Variants in SPIRE1 observed in about 807,000 individuals in gnomAD.
The protein encoded by SPIRE1 is spire type actin nucleation factor 1.
Under a neutral mutation model 94.1 loss-of-function variants are expected in SPIRE1, and 40 were observed. That is an observed-to-expected ratio of 0.43 (90% CI 0.33 to 0.55). The LOEUF (loss-of-function observed/expected upper bound fraction) is 0.55, where lower values mean the gene tolerates loss of function less well. SPIRE1 is among the 20% of genes least tolerant of loss of function. The pLI, the probability that SPIRE1 is intolerant of heterozygous loss-of-function variation, is 0.06. For synonymous variants in SPIRE1, 376 were observed against 371.7 expected (o/e 1.01, Z -0.13); for missense variants, 838 against 975.2 (o/e 0.86, Z 1.87).
intron 2 of SPIRE1, among the ~76,000 whole-genome samples, chr18:12,565,231 A>G (rs1481639909): frequency 6.6e-6 from 1 of 152,246 alleles, no homozygotes; most frequent in Non-Finnish European, 1.5e-5. Context: ...TAAGAATTAC[A>G]TTTCACATCT....
chr18:12,557,084 C>T (rs1333225856), intron 2 of SPIRE1, among the ~76,000 whole-genome samples: 1 of 152,234 alleles, frequency 6.6e-6, no homozygotes, highest in East Asian at 1.9e-4. Context: ...GCTGGCTTCA[C>T]CTAGTGGATC....
At chr18:12,625,954 C>T (rs562639278) in intron 2 of SPIRE1, among the ~76,000 whole-genome samples, 107 of 152,104 alleles carry the variant, frequency 7.0e-4, no homozygotes, top group South Asian at 2.3e-3. Context: ...CACTTGAACC[C>T]AGGAGGCAGA....
At chr18:12,580,737 C>G (rs1260105189) in intron 2 of SPIRE1, among the ~76,000 whole-genome samples, 1 of 152,174 alleles carries the variant, frequency 6.6e-6, no homozygotes, top group African/African-American at 2.4e-5. Flanking sequence ...CCTCATAACT[C>G]TCAGTCACAT....
intron 1 of SPIRE1, 25 bp from the exon 2 acceptor site, chr18:12,635,121 C>A: frequency 2.4e-6 from 3 of 1,263,348 alleles, no homozygotes; most frequent in Non-Finnish European, 3.3e-6. Flanking sequence ...AAAAGGATTA[C>A]TTTAAAAAGA....
At chr18:12,607,039 G>A (rs931430163) in intron 2 of SPIRE1, among the ~76,000 whole-genome samples, 3 of 152,082 alleles carry the variant, frequency 2.0e-5, no homozygotes, top group African/African-American at 4.8e-5. Context: ...GAATAGCACC[G>A]AATCTGACAG....
intron 9 of SPIRE1, among the ~76,000 whole-genome samples, chr18:12,480,751 C>T (rs1458200109): frequency 6.6e-6 from 1 of 152,190 alleles, no homozygotes; most frequent in African/African-American, 2.4e-5. Context: ...TTTTTGGTAC[C>T]ATAGCCTGGA....
chr18:12,573,565 T>C (rs1442683298), intron 2 of SPIRE1, among the ~76,000 whole-genome samples: 1 of 152,092 alleles, frequency 6.6e-6, no homozygotes, highest in East Asian at 1.9e-4. Flanking sequence ...CCTCAATAGG[T>C]GAATGGGTAA....
chr18:12,460,647 G>T (rs181560332), intron 12 of SPIRE1, among the ~76,000 whole-genome samples: 132 of 152,122 alleles, frequency 8.7e-4, no homozygotes, highest in Middle Eastern at 6.8e-3. Context: ...GGGAGGCGGA[G>T]GTTGTGGTGA....
At chr18:12,548,053 T>G (rs1054829072) in intron 2 of SPIRE1, among the ~76,000 whole-genome samples, 2 of 152,240 alleles carry the variant, frequency 1.3e-5, no homozygotes, top group African/African-American at 4.8e-5. Flanking sequence ...TCTCATCCGT[T>G]AAATGGGGAT....
At chr18:12,560,794 A>G (rs1036525934) in intron 2 of SPIRE1, among the ~76,000 whole-genome samples, 1 of 152,202 alleles carries the variant, frequency 6.6e-6, no homozygotes, top group Non-Finnish European at 1.5e-5. Context: ...AAAGGTTGGC[A>G]GTGAGCCAAG....
rs765112527 is a variant in SPIRE1, at chr18:12,449,588, C to T, written c.*50G>A. On this transcript the variant is annotated 3_prime_UTR_variant, in exon 17 of 17. Transcript: ENST00000409402. ...GAGAGCCAGCCCGGCTCAGTGTCCT[C>T]GCGCACGGACGCTGACTCGTAGCAC... 4.4e-6 allele frequency: 7 copies of T among 1,575,282 alleles called. No individual in the cohort carries two copies. Among genetic ancestry groups the T allele is most frequent in the African/African-American group, 1.4e-5 (1 of 73,960 alleles).
intron 2 of SPIRE1, among the ~76,000 whole-genome samples, chr18:12,596,125 C>T (rs1052073677): frequency 1.1e-4 from 16 of 152,288 alleles, no homozygotes; most frequent in Admixed American, 1.0e-3. Context: ...GATCTGCAAT[C>T]AAGTCTGACT....
intron 1 of SPIRE1, among the ~76,000 whole-genome samples, chr18:12,635,673 G>A (rs964983351): frequency 1.3e-5 from 2 of 152,068 alleles, no homozygotes; most frequent in South Asian, 2.1e-4. Context: ...ATATTTGGCT[G>A]CACCAACATT....
intron 4 of SPIRE1, among the ~76,000 whole-genome samples, chr18:12,532,534 C>T (rs538398976): frequency 5.3e-5 from 8 of 152,064 alleles, no homozygotes; most frequent in Non-Finnish European, 8.8e-5. Context: ...TTTTTAATTT[C>T]GTTGAATCAG....
chr18:12,492,260 G>A (rs1479103044), intron 8 of SPIRE1, among the ~76,000 whole-genome samples: 4 of 152,096 alleles, frequency 2.6e-5, no homozygotes, highest in African/African-American at 9.7e-5. Flanking sequence ...GCAGAGTGGG[G>A]GTCACAAAAC....
chr18:12,567,439 T>C (rs772586330), intron 2 of SPIRE1, among the ~76,000 whole-genome samples: 3 of 152,196 alleles, frequency 2.0e-5, no homozygotes, highest in Non-Finnish European at 2.9e-5. Flanking sequence ...GCAAATTATT[T>C]TGCAGATATT....
rs916994201 is a variant in SPIRE1, at chr18:12,498,633, T to C, written c.973-2531A>G. 3.9e-5 allele frequency among the ~76,000 whole-genome samples: 6 copies of C among 152,098 alleles called. No individual in the cohort carries two copies. The East Asian group carries it at 1.2e-3, about 29-fold the overall frequency. Reference sequence around the variant, plus strand: ...GTACTCAATCTTGTTTCTGAAATAATTTTCTTTTTTTGCGACACGGGCTTG... The same window carrying C: ...GTACTCAATCTTGTTTCTGAAATAACTTTCTTTTTTTGCGACACGGGCTTG... On this transcript the variant is annotated intron_variant, in intron 6 of 16. Coordinates refer to ENST00000409402, the MANE Select transcript of SPIRE1 (RefSeq NM_001128626.2).
chr18:12,585,975 G>C (rs1366591086), intron 2 of SPIRE1, among the ~76,000 whole-genome samples: 1 of 152,188 alleles, frequency 6.6e-6, no homozygotes, highest in Non-Finnish European at 1.5e-5. Context: ...TTTAGAGACA[G>C]GGTCTTGCTC....
upstream of SPIRE1, chr18:12,658,707 C>G: frequency 2.3e-6 from 1 of 430,022 alleles, no homozygotes; most frequent in East Asian, 7.6e-5. Flanking sequence ...CGTGACCCCG[C>G]GGCCGCTCTG....
Sources: allele counts gnomAD v4.1 joint callset (sites outside exome capture counted in the v4.1 genomes callset), GRCh38; gene constraint gnomAD v4.1.1; transcripts MANE v1.5; gene names NCBI Gene and HGNC (gene_info 2026-07-23, HGNC 2026-07-21).